Variants in PDXDC1 observed in about 807,000 individuals in gnomAD.
PDXDC1 encodes pyridoxal dependent decarboxylase domain containing 1.
A neutral mutation model predicts 100.1 loss-of-function variants in PDXDC1; 42 were observed. That is an observed-to-expected ratio of 0.42 (90% CI 0.33 to 0.54). The LOEUF (loss-of-function observed/expected upper bound fraction) is 0.54, where lower values mean the gene tolerates loss of function less well. Ranked by LOEUF, PDXDC1 falls within the 20% of genes least tolerant of loss-of-function variation. PDXDC1 has a pLI of 0.10. For missense variants in PDXDC1, 636 were observed against 979.2 expected, an observed-to-expected ratio of 0.65 and a Z score of 4.68; for synonymous variants, 260 against 371.7, an observed-to-expected ratio of 0.70 and a Z score of 3.46.
Position 15,051,994 on chromosome 16 carries a change from A to G in PDXDC1, c.1399+21938A>G, listed in dbSNP as rs556931360. 5.0e-4 allele frequency among the ~76,000 whole-genome samples: 76 copies of G among 151,950 alleles called. 2 individuals are homozygous for G. The South Asian group carries it at 0.015, about 31-fold the overall frequency. ...GTTTTCTTAACCTCTAATATGCTCT[A>G]GACACTAATATTTGCTTAAAAAAAA... On this transcript the variant is annotated intron_variant, in intron 16 of 16. Transcript: ENST00000535621.
chr16:15,047,043 A>G (rs1474664573), intron 16 of PDXDC1, among the ~76,000 whole-genome samples: 1 of 151,924 alleles, frequency 6.6e-6, no homozygotes, highest in South Asian at 2.1e-4. Context: ...CTTTCTGTCT[A>G]CTCTTCACTG....
intron 16 of PDXDC1, chr16:15,073,088 G>A: frequency 6.2e-7 from 1 of 1,602,850 alleles, no homozygotes; most frequent in Non-Finnish European, 8.5e-7. Flanking sequence ...TACCTATGGA[G>A]AAAATCTGGC....
chr16:15,086,058 T>C, intron 16 of PDXDC1: 1 of 1,397,318 alleles, frequency 7.2e-7, no homozygotes, highest in Non-Finnish European at 9.8e-7. Context: ...CAGTCTCTCA[T>C]ATATAAGGGG....
chr16:15,033,789 C>G (rs935482358), intron 19 of PDXDC1, among the ~76,000 whole-genome samples: 2 of 152,234 alleles, frequency 1.3e-5, no homozygotes, highest in African/African-American at 4.8e-5. Context: ...CCCTACACCC[C>G]TTCCCTATAG....
intron 16 of PDXDC1, chr16:15,132,600 G>C (rs1214205180): frequency 2.5e-6 from 2 of 786,098 alleles, no homozygotes; most frequent in Non-Finnish European, 4.2e-6. Flanking sequence ...GAACGCCATG[G>C]CATGAAGGAG....
At chr16:15,076,697 C>A (rs1362968912) in intron 16 of PDXDC1, 1 of 1,334,276 alleles carries the variant, frequency 7.5e-7, no homozygotes, top group Non-Finnish European at 1.1e-6. Flanking sequence ...TTAAAAAATA[C>A]AACTATGTTA....
chr16:15,049,528 A>C (rs1384967241), intron 16 of PDXDC1, among the ~76,000 whole-genome samples: 1 of 151,826 alleles, frequency 6.6e-6, no homozygotes, highest in Non-Finnish European at 1.5e-5. Flanking sequence ...TCCCAGGTTC[A>C]AGCGATTCTC....
chr16:15,130,484 C>G (rs1373857732), intron 16 of PDXDC1: 1 of 1,386,340 alleles, frequency 7.2e-7, no homozygotes. Flanking sequence ...TGGACGTGAG[C>G]CCAGGCTCCG....
chr16:15,044,605 G>C (rs1473416634), intron 16 of PDXDC1: 1 of 594,468 alleles, frequency 1.7e-6, no homozygotes, highest in African/African-American at 1.9e-5. Context: ...ACCCTGCCCA[G>C]GGGCCCTGAT....
Position 15,130,376 on chromosome 16 carries a change from G to A in PDXDC1, c.1400-8503G>A, listed in dbSNP as rs1157908425. The A allele has an allele frequency of 3.8e-6, 6 of 1,573,370 alleles. No individual in the cohort carries two copies. The South Asian group carries it at 6.9e-5, about 18-fold the overall frequency. ...AGTACTGGCACAGGGACGTGTACAG[G>A]CCCACGGACACCTCCAGCGCCGACA... On this transcript the variant is annotated intron_variant, in intron 16 of 16. Transcript: ENST00000535621.
At chr16:15,041,737 G>T, downstream of PDXDC1, 1 of 1,234,278 alleles carries the variant, frequency 8.1e-7, no homozygotes, top group Non-Finnish European at 1.2e-6. Context: ...AGAACAAACT[G>T]CTGAGCAAGC....
intron 16 of PDXDC1, among the ~76,000 whole-genome samples, chr16:15,046,211 A>G (rs934268224): frequency 1.3e-5 from 2 of 152,234 alleles, no homozygotes; most frequent in African/African-American, 4.8e-5. Context: ...CAGAGGGAGA[A>G]TTTAGAATCG....
chr16:15,133,760 A>AT lies in PDXDC1; in HGVS notation c.1400-5118dup, dbSNP rs1391156975. The AT allele has an allele frequency of 2.5e-6, 4 of 1,592,612 alleles. No individual in the cohort carries two copies. The African/African-American group carries it at 4.0e-5, about 16-fold the overall frequency. ...GGCTCCGTGACGTCACAGTCGGGGGATCCCGCTGCTCCCCCTAAGCAGGCC... is the reference window on the plus strand; with the variant it reads ...GGCTCCGTGACGTCACAGTCGGGGGATTCCCGCTGCTCCCCCTAAGCAGGCC... On this transcript the variant is annotated intron_variant, in intron 16 of 16. Coordinates refer to the PDXDC1 transcript ENST00000535621.
intron 16 of PDXDC1, among the ~76,000 whole-genome samples, chr16:15,073,520 G>C (rs2045328057): frequency 6.6e-6 from 1 of 152,142 alleles, no homozygotes; most frequent in Non-Finnish European, 1.5e-5. Flanking sequence ...GCTACTTTTA[G>C]TTTACACAGA....
chr16:15,080,340 TAAA>T (rs1358469575), intron 16 of PDXDC1, among the ~76,000 whole-genome samples: 1 of 152,240 alleles, frequency 6.6e-6, no homozygotes, highest in Non-Finnish European at 1.5e-5. Context: ...GCTGTATTGA[TAAA>T]ACTCATATAT....
At chr16:15,151,836 C>A in the PDXDC1 span, among the ~76,000 whole-genome samples, 1 of 129,434 alleles carries the variant, frequency 7.7e-6, no homozygotes, top group Non-Finnish European at 1.7e-5. Flanking sequence ...GAGGCTGAGG[C>A]AGGAAAAGCG....
downstream of PDXDC1, among the ~76,000 whole-genome samples, chr16:15,142,562 G>A (rs1205759383): frequency 1.3e-5 from 2 of 152,152 alleles, no homozygotes; most frequent in Non-Finnish European, 1.5e-5. Flanking sequence ...CCCCCTGGGT[G>A]TGGAAGCATC....
At chr16:15,033,514 G>T in intron 19 of PDXDC1, 115 bp downstream of exon 19, 1 of 1,230,256 alleles carries the variant, frequency 8.1e-7, no homozygotes, top group African/African-American at 1.5e-5. Context: ...CTCAAAGTCT[G>T]TCAATGTTTC....
chr16:15,115,008 T>C (rs2047196181), intron 16 of PDXDC1, among the ~76,000 whole-genome samples: 1 of 147,108 alleles, frequency 6.8e-6, no homozygotes, highest in African/African-American at 2.5e-5. Flanking sequence ...CAATCTCGGC[T>C]CGCTACAACC....
Sources: gnomAD v4.1 joint callset for allele counts (sites outside exome capture counted in the v4.1 genomes callset) on GRCh38, gnomAD v4.1.1 for gene constraint, MANE v1.5 for transcripts, NCBI Gene and HGNC (gene_info 2026-07-23, HGNC 2026-07-21) for gene names.